The following CSF2RA variants were observed in gnomAD, a reference collection of about 807,000 sequenced individuals.
The protein encoded by CSF2RA is granulocyte-macrophage colony-stimulating factor receptor subunit alpha.
Under a neutral mutation model 51.6 loss-of-function variants are expected in CSF2RA, and 42 were observed. The observed-to-expected ratio is 0.81, with a 90% confidence interval of 0.64 to 1.05. CSF2RA has a LOEUF of 1.05. Among genes scored for constraint, CSF2RA ranks in the 50% least tolerant of loss-of-function variants. The probability of loss-of-function intolerance (pLI) is 0.00; values close to 1 mark genes in which losing one functional copy is unlikely to be tolerated. For missense variants in CSF2RA, 530 were observed against 501.1 expected, an observed-to-expected ratio of 1.06 and a Z score of -0.55; for synonymous variants, 222 against 193.0, an observed-to-expected ratio of 1.15 and a Z score of -1.24.
chrX:1,314,984 G>GCACTGCACCTGCCCAACCC (rs1190758137), downstream of CSF2RA, among the ~76,000 whole-genome samples: 37 of 38,958 alleles, frequency 9.5e-4, 5 homozygotes, highest in South Asian at 0.032. Flanking sequence ...CTGCCCAATC[G>GCACTGCACCTGCCCAACCC]CACTGCACCT....
chrX:1,321,351 C>T, the CSF2RA span, among the ~76,000 whole-genome samples: 1 of 152,154 alleles, frequency 6.6e-6, no homozygotes, highest in East Asian at 1.9e-4. Context: ...CTCCTGTAGT[C>T]CCAGCTACTC....
chrX:1,290,322 T>C lies in CSF2RA; in HGVS notation c.474-15T>C, dbSNP rs1234000821. On this transcript the variant is annotated splice_polypyrimidine_tract_variant and intron_variant, in intron 6 of 12. Coordinates refer to ENST00000381529, the MANE Select transcript of CSF2RA (RefSeq NM_172245.4). ...GTTTTCCTGATTGCTCTCTGAGCAC[T>C]TTCTAATCTTTCAGGAGAAGGAGGG... 11 of 1,610,958 alleles carry C rather than the reference T, an allele frequency of 6.8e-6. No homozygotes were observed. Among genetic ancestry groups the C allele is most frequent in the Non-Finnish European group, 9.3e-6 (11 of 1,177,122 alleles).
chrX:1,312,897 T>C (rs2084247243), downstream of CSF2RA, among the ~76,000 whole-genome samples: 1 of 151,778 alleles, frequency 6.6e-6, no homozygotes, highest in Non-Finnish European at 1.5e-5. Flanking sequence ...AAGTCAAAGC[T>C]TGGGGAAGAG....
chrX:1,324,708 C>A, the CSF2RA span, among the ~76,000 whole-genome samples: 1 of 152,108 alleles, frequency 6.6e-6, no homozygotes, highest in Admixed American at 6.6e-5. Context: ...TGGGCATGAC[C>A]AAGAAGCACT....
At chrX:1,322,348 G>A in the CSF2RA span, among the ~76,000 whole-genome samples, 8 of 149,480 alleles carry the variant, frequency 5.4e-5, no homozygotes, top group Middle Eastern at 3.5e-3. Context: ...TCCTGACCTC[G>A]TGATCCGTCC....
At chrX:1,288,069 T>C in intron 4 of CSF2RA, among the ~76,000 whole-genome samples, 1 of 152,026 alleles carries the variant, frequency 6.6e-6, no homozygotes, top group East Asian at 1.9e-4. Flanking sequence ...TGCTAGAGTA[T>C]AAGATTGAGT....
chrX:1,315,417 T>G, the CSF2RA span, among the ~76,000 whole-genome samples: 1 of 152,060 alleles, frequency 6.6e-6, no homozygotes. Context: ...TTTATTTTGT[T>G]TTAAGAGACA....
chrX:1,310,996 C>G (rs1433202962), downstream of CSF2RA, among the ~76,000 whole-genome samples: 1 of 152,014 alleles, frequency 6.6e-6, no homozygotes, highest in Non-Finnish European at 1.5e-5. Context: ...GCCTGTAATC[C>G]TAGCACTTTG....
intron 9 of CSF2RA, among the ~76,000 whole-genome samples, chrX:1,299,057 C>G (rs2092200509): frequency 6.6e-6 from 1 of 152,192 alleles, no homozygotes; most frequent in South Asian, 2.1e-4. Context: ...GGATGCAGAT[C>G]TCACACGGGT....
At chrX:1,311,705 T>C (rs2084199726), downstream of CSF2RA, among the ~76,000 whole-genome samples, 2 of 152,180 alleles carry the variant, frequency 1.3e-5, no homozygotes, top group African/African-American at 4.8e-5. Flanking sequence ...CGTCTCCACG[T>C]GCTGGGATGA....
chrX:1,286,755 G>A (rs1368650438), intron 4 of CSF2RA, among the ~76,000 whole-genome samples: 1 of 152,094 alleles, frequency 6.6e-6, no homozygotes, highest in Non-Finnish European at 1.5e-5. Context: ...CTATGTTACC[G>A]TATTTTACCC....
rs568147773 is a variant in CSF2RA, at chrX:1,286,736, A to G, written c.219+816A>G. ...ATGTGTACCAGAGCCTGATTCCCTG[A>G]GGCAGAGCCTATGTTACCGTATTTT... On this transcript the variant is annotated intron_variant, in intron 4 of 12. Transcript: ENST00000381529. Among the ~76,000 whole-genome samples, 17 of 152,302 alleles carry G rather than the reference A, an allele frequency of 1.1e-4. No individual in the cohort carries two copies. The South Asian group carries it at 1.9e-3, about 17-fold the overall frequency.
chrX:1,276,916 T>G (rs1188948369), intron 2 of CSF2RA, among the ~76,000 whole-genome samples: 6 of 151,174 alleles, frequency 4.0e-5, no homozygotes, highest in African/African-American at 1.5e-4. Flanking sequence ...CTGGCCAACA[T>G]GGTGAAATGC....
intron 10 of CSF2RA, among the ~76,000 whole-genome samples, chrX:1,301,638 G>A (rs757631223): frequency 3.4e-4 from 45 of 133,314 alleles, no homozygotes; most frequent in South Asian, 7.0e-4. Flanking sequence ...CGCTCTTGTC[G>A]CAGGCTGGAG....
chrX:1,303,484 C>G (rs2083223469), intron 10 of CSF2RA: 2 of 452,292 alleles, frequency 4.4e-6, no homozygotes, highest in Non-Finnish European at 7.8e-6. Context: ...AGATGATGCG[C>G]CCGCCTCGGC....
chrX:1,282,631 C>A, intron 2 of CSF2RA, 47 bp from the exon 3 acceptor site: 1 of 1,388,488 alleles, frequency 7.2e-7, no homozygotes, highest in Non-Finnish European at 1.0e-6. Context: ...CCAGGAATGT[C>A]CTGGGAGAGG....
At chrX:1,317,246 C>T in the CSF2RA span, among the ~76,000 whole-genome samples, 3 of 57,824 alleles carry the variant, frequency 5.2e-5, no homozygotes, top group African/African-American at 1.5e-4. Context: ...CCACGCTCAG[C>T]TTTTTTTTTT....
rs747173144 is a variant in CSF2RA at position 1,288,834 on chromosome X, G to C, written c.419G>C (p.Arg140Thr). ...GATTTAATGAACTGTACCTGGGCGAGGGGTCCGACGGCCCCCCGTGACGTC... is the reference window on the plus strand; with the variant it reads ...GATTTAATGAACTGTACCTGGGCGACGGGTCCGACGGCCCCCCGTGACGTC... ...NADLMNCTWA[R>T]GPTAPRDVQY... The change falls in exon 6 of 13, where the codon AGG (arginine) becomes ACG (threonine). Residue 140 changes from arginine (R) to threonine (T), a missense_variant. By Grantham distance (71) the Arg-to-Thr change is moderately conservative (BLOSUM62 -1). Transcript: ENST00000381529. The C allele has an allele frequency of 6.2e-7, 1 of 1,613,962 alleles. No individual in the cohort carries two copies. Among genetic ancestry groups the C allele is most frequent in the South Asian group, 1.1e-5 (1 of 91,076 alleles).
intron 2 of CSF2RA, among the ~76,000 whole-genome samples, chrX:1,280,904 G>GCTCCTTCTCCTCCTCCTCCTTCTC (rs2089867081): frequency 3.7e-5 from 1 of 26,980 alleles, no homozygotes; most frequent in Non-Finnish European, 6.7e-5. Context: ...TCCTCCTCCT[G>GCTCCTTCTCCTCCTCCTCCTTCTC]CTCCTTCTCC....
Sources: gnomAD v4.1 joint callset for allele counts (sites outside exome capture counted in the v4.1 genomes callset) on GRCh38, gnomAD v4.1.1 for gene constraint, MANE v1.5 for transcripts, NCBI Gene and HGNC (gene_info 2026-07-23, HGNC 2026-07-21) for gene names.